Variants in CREB5 observed in about 807,000 individuals in gnomAD.
CREB5 encodes the protein cAMP responsive element binding protein 5, also known as cyclic AMP-responsive element-binding protein 5.
CREB5 carries 19 observed loss-of-function variants against 57.1 expected under a neutral mutation model. The observed-to-expected ratio is 0.33, with a 90% CI of 0.23 to 0.49. CREB5 has a LOEUF of 0.49. CREB5 is among the 20% of genes least tolerant of loss of function. The probability of loss-of-function intolerance (pLI) is 0.99; values close to 1 mark genes in which losing one functional copy is unlikely to be tolerated. For missense variants in CREB5, 579 were observed against 671.6 expected (o/e 0.86, Z 1.52); for synonymous variants, 238 against 238.3 (o/e 1.00, Z 0.01).
At chr7:28,479,610 A>G (rs1194844157) in intron 1 of CREB5, among the ~76,000 whole-genome samples, 1 of 152,164 alleles carries the variant, frequency 6.6e-6, no homozygotes, top group East Asian at 1.9e-4. Flanking sequence ...AGGCTTCGGT[A>G]TATTTTTACC....
intron 2 of CREB5, among the ~76,000 whole-genome samples, chr7:28,492,277 G>C (rs1396264191): frequency 1.3e-5 from 2 of 152,230 alleles, no homozygotes; most frequent in Non-Finnish European, 2.9e-5. Flanking sequence ...TGGGATTACA[G>C]GCGTGAGCCA....
At chr7:28,400,106 C>T (rs1787426826) in intron 1 of CREB5, among the ~76,000 whole-genome samples, 1 of 151,962 alleles carries the variant, frequency 6.6e-6, no homozygotes, top group East Asian at 1.9e-4. Flanking sequence ...GTAGCTTGCT[C>T]AATAAAGCTA....
intron 4 of CREB5, among the ~76,000 whole-genome samples, chr7:28,534,032 A>G (rs981581538): frequency 6.6e-6 from 1 of 152,218 alleles, no homozygotes; most frequent in African/African-American, 2.4e-5. Context: ...GCAAATCTGT[A>G]TCTATTTTGT....
rs147502934 is a variant in CREB5 at position 28,585,144 on chromosome 7, C to T, written c.464+14607C>T. ...CGAATGTTCTGCTCAGTAGTAGTTGCGGGATTCTGAAGCACACACTTCTTG... is the reference window on the plus strand; with the variant it reads ...CGAATGTTCTGCTCAGTAGTAGTTGTGGGATTCTGAAGCACACACTTCTTG... On this transcript the variant is annotated intron_variant, in intron 5 of 10. Coordinates refer to ENST00000357727, the MANE Select transcript of CREB5 (RefSeq NM_182898.4). Among the ~76,000 whole-genome samples the T allele has an allele frequency of 4.4e-3, 666 of 152,258 alleles. 2 individuals are homozygous for T. Among genetic ancestry groups the T allele is most frequent in the Non-Finnish European group, 7.7e-3 (525 of 68,014 alleles).
chr7:28,371,330 A>T (rs1244499785), intron 1 of CREB5, among the ~76,000 whole-genome samples: 1 of 151,896 alleles, frequency 6.6e-6, no homozygotes, highest in Non-Finnish European at 1.5e-5. Flanking sequence ...AAAGTAAATA[A>T]ATAAAAATAA....
chr7:28,819,455 A>G lies in CREB5; in HGVS notation c.*176A>G. On this transcript the variant is annotated 3_prime_UTR_variant, in exon 11 of 11. Coordinates refer to ENST00000357727, the MANE Select transcript of CREB5 (RefSeq NM_182898.4). ...TCTTTTATACTTAGTTATATAAGAA[A>G]AAAGGGAGTTATGCAATTAATATCT... is the stretch of plus-strand genomic sequence containing the variant. The G allele has an allele frequency of 1.6e-6, 1 of 627,790 alleles. No individual in the cohort carries two copies. The highest frequency in any genetic ancestry group is 2.6e-6 in the Non-Finnish European group (1 of 390,332). 38.9% of individuals were successfully genotyped at this position (627,790 alleles called of 1,614,324 possible).
intron 7 of CREB5, among the ~76,000 whole-genome samples, chr7:28,750,154 G>T (rs1804899480): frequency 6.6e-6 from 1 of 151,800 alleles, no homozygotes; most frequent in Non-Finnish European, 1.5e-5. Context: ...ATATCTTTAT[G>T]TTGTAGAGCT....
chr7:28,423,095 C>T (rs174019), intron 1 of CREB5, among the ~76,000 whole-genome samples: 81,153 of 151,932 alleles, frequency 0.53, 23,502 homozygotes, highest in East Asian at 0.72. Flanking sequence ...TCTTCCTTTT[C>T]TCCTGCTTCT....
At chr7:28,505,906 C>T (rs1792461213) in intron 3 of CREB5, among the ~76,000 whole-genome samples, 1 of 152,050 alleles carries the variant, frequency 6.6e-6, no homozygotes, top group South Asian at 2.1e-4. Flanking sequence ...ATATGTGTGC[C>T]TCTTAATAAA....
chr7:28,517,141 C>T (rs547432439), intron 4 of CREB5, among the ~76,000 whole-genome samples: 12 of 152,298 alleles, frequency 7.9e-5, no homozygotes, highest in Admixed American at 3.3e-4. Context: ...ATGATAGACT[C>T]AGCATCTGTA....
Position 28,450,657 on chromosome 7 carries a change from C to T in CREB5, c.4-37518C>T, listed in dbSNP as rs115614275. The stretch of plus-strand genomic sequence containing the variant: ...CTGTCACAAGTTTTCACCCCCTGCT[C>T]TCTGTCTGTTTGTGGGTTCTAGATG... On this transcript the variant is annotated intron_variant, in intron 1 of 10. Coordinates refer to ENST00000357727, the MANE Select transcript of CREB5 (RefSeq NM_182898.4). Among the ~76,000 whole-genome samples, 488 of 152,314 alleles carry T rather than the reference C, an allele frequency of 3.2e-3. 6 individuals are homozygous for T. The highest frequency in any genetic ancestry group is 0.012 in the African/African-American group (479 of 41,560).
At chr7:28,378,041 G>A (rs190904705) in intron 1 of CREB5, among the ~76,000 whole-genome samples, 1 of 152,020 alleles carries the variant, frequency 6.6e-6, no homozygotes, top group African/African-American at 2.4e-5. Flanking sequence ...TAAAACAGCT[G>A]GTTTGCTATA....
In CREB5 at chr7:28,445,389, T is replaced by C. The variant is rs575616022; in HGVS notation, c.3+32472T>C. 2.0e-5 allele frequency among the ~76,000 whole-genome samples: 3 copies of C among 152,284 alleles called. No individual in the cohort carries two copies. In the East Asian group the frequency reaches 5.8e-4, roughly 29 times the overall value. On this transcript the variant is annotated intron_variant, in intron 1 of 10. Coordinates refer to ENST00000357727, the MANE Select transcript of CREB5 (RefSeq NM_182898.4). ...AAGGATTTTCTCTTCAGATAGGCTC[T>C]GCCTATCAGGTTCTACAGTAGGCTG...
intron 5 of CREB5, among the ~76,000 whole-genome samples, chr7:28,623,950 G>A (rs947932194): frequency 7.2e-5 from 11 of 152,130 alleles, no homozygotes; most frequent in Non-Finnish European, 1.6e-4. Context: ...TCAAAACCCA[G>A]GGATATGATA....
chr7:28,819,448 A>G lies in CREB5; in HGVS notation c.*169A>G, dbSNP rs377679847. ...AATGTTGTCTTTTATACTTAGTTAT[A>G]TAAGAAAAAAGGGAGTTATGCAATT... On this transcript the variant is annotated 3_prime_UTR_variant, in exon 11 of 11. Coordinates refer to ENST00000357727, the MANE Select transcript of CREB5 (RefSeq NM_182898.4). 63 of 663,460 alleles carry G rather than the reference A, an allele frequency of 9.5e-5. No individual in the cohort carries two copies. In the African/African-American group the frequency reaches 1.1e-3, roughly 12 times the overall value. 41.1% of individuals were successfully genotyped at this position (663,460 alleles called of 1,614,324 possible). A position where few individuals can be genotyped will look rare whatever the true frequency, so the allele number is the denominator to read the frequency against.
intron 9 of CREB5, among the ~76,000 whole-genome samples, chr7:28,811,216 A>G (rs1346931209): frequency 6.6e-6 from 1 of 152,200 alleles, no homozygotes; most frequent in Non-Finnish European, 1.5e-5. Flanking sequence ...AAATAAATGA[A>G]TGAATTCCTC....
chr7:28,420,807 CAAAAAA>C (rs10540496), intron 1 of CREB5, among the ~76,000 whole-genome samples: 3 of 92,962 alleles, frequency 3.2e-5, no homozygotes, highest in Non-Finnish European at 4.3e-5. Flanking sequence ...GACTCCATCT[CAAAAAA>C]AAAAAAAAAA....
intron 5 of CREB5, among the ~76,000 whole-genome samples, chr7:28,579,384 C>G (rs949714491): frequency 2.0e-5 from 3 of 152,170 alleles, no homozygotes; most frequent in Non-Finnish European, 4.4e-5. Context: ...ACTAAAAGTT[C>G]CTGTAGTGTA....
intron 5 of CREB5, among the ~76,000 whole-genome samples, chr7:28,699,471 C>A (rs1470811885): frequency 1.3e-5 from 2 of 152,006 alleles, no homozygotes; most frequent in Admixed American, 6.6e-5. Flanking sequence ...CTCTGGGAAC[C>A]AAAATTAATT....
Sources: gnomAD v4.1 joint callset for allele counts (sites outside exome capture counted in the v4.1 genomes callset) on GRCh38, gnomAD v4.1.1 for gene constraint, MANE v1.5 for transcripts, NCBI Gene and HGNC (gene_info 2026-07-23, HGNC 2026-07-21) for gene names.